Variants in ZNF254 observed in about 807,000 individuals in gnomAD.
ZNF254 encodes zinc finger protein 254, also known as CTD-2017D11.1.
ZNF254 carries 10 observed loss-of-function variants against 12.4 expected under a neutral mutation model. The ratio of observed to expected loss-of-function variants is 0.80; its 90% CI spans 0.50 to 1.36. The LOEUF (loss-of-function observed/expected upper bound fraction) is 1.36. Ranked by LOEUF, ZNF254 falls within the 40% of genes most tolerant of loss-of-function variation. ZNF254 has a pLI of 0.00. For missense variants in ZNF254, 996 were observed against 763.9 expected, an observed-to-expected ratio of 1.30 and a Z score of -3.58; for synonymous variants, 305 against 253.4, an observed-to-expected ratio of 1.20 and a Z score of -1.93.
At chr19:24,100,447 T>A (rs1219358490) in intron 1 of ZNF254, among the ~76,000 whole-genome samples, 1 of 151,574 alleles carries the variant, frequency 6.6e-6, no homozygotes, top group Non-Finnish European at 1.5e-5. Context: ...TTTTTACTTA[T>A]AAAACTCAGA....
chr19:24,036,900 A>G (rs62117636), intron 1 of ZNF254, among the ~76,000 whole-genome samples: 24,224 of 152,098 alleles, frequency 0.16, 2,076 homozygotes, highest in Middle Eastern at 0.23. Flanking sequence ...CAAAACAAGA[A>G]GACTTGATCT....
intron 1 of ZNF254, among the ~76,000 whole-genome samples, chr19:24,092,292 G>A (rs371537462): frequency 6.6e-5 from 10 of 151,226 alleles, no homozygotes; most frequent in South Asian, 2.1e-4. Flanking sequence ...TCAGCCTCTC[G>A]AATAGCTGGG....
At chr19:24,067,435 T>C (rs941735229) in intron 2 of ZNF254, among the ~76,000 whole-genome samples, 3 of 151,548 alleles carry the variant, frequency 2.0e-5, no homozygotes, top group Non-Finnish European at 4.4e-5. Context: ...AGTAGGAAAT[T>C]TGACATATCG....
chr19:24,111,810 T>G (rs1286791526), intron 3 of ZNF254, among the ~76,000 whole-genome samples: 3 of 150,458 alleles, frequency 2.0e-5, no homozygotes, highest in African/African-American at 7.3e-5. Context: ...GTTTTTTTCT[T>G]GTAAATTTGT....
intron 1 of ZNF254, among the ~76,000 whole-genome samples, chr19:24,041,271 CA>C (rs1392063041): frequency 6.6e-6 from 1 of 152,248 alleles, no homozygotes; most frequent in Non-Finnish European, 1.5e-5. Flanking sequence ...CTGGGCTGGC[CA>C]AGGCCGGAGC....
In ZNF254 at chr19:24,127,907, G is replaced by A. The variant is rs750384431; in HGVS notation, c.1907G>A (p.Gly636Asp). ...CAACCCTACAAATGGGAAAAATTTG[G>A]CAAAGCCTTTAATCGGTCCTCGCAC... ...GEQPYKWEKF[G>D]KAFNRSSHLT... The change falls in exon 4 of 4, where the codon GGC becomes GAC. Residue 636 changes from glycine to aspartate, a missense_variant. Transcript: ENST00000357002. 1.1e-5 allele frequency: 18 copies of A among 1,611,592 alleles called. No homozygotes were observed. The highest frequency in any genetic ancestry group is 8.8e-5 in the South Asian group (8 of 90,856).
chr19:24,036,297 T>C (rs953432930), intron 1 of ZNF254, among the ~76,000 whole-genome samples: 11 of 152,008 alleles, frequency 7.2e-5, no homozygotes, highest in African/African-American at 2.7e-4. Context: ...GATCTTGTGA[T>C]CCACCCGCCT....
chr19:24,102,405 T>A (rs1303633036), intron 1 of ZNF254, among the ~76,000 whole-genome samples: 2 of 151,728 alleles, frequency 1.3e-5, no homozygotes, highest in East Asian at 3.9e-4. Flanking sequence ...TTTTTTTCTT[T>A]TAGGTAAGCT....
At chr19:24,050,910 C>G (rs1462948180) in intron 2 of ZNF254, among the ~76,000 whole-genome samples, 1 of 151,966 alleles carries the variant, frequency 6.6e-6, no homozygotes, top group Non-Finnish European at 1.5e-5. Flanking sequence ...CCATGTTAGT[C>G]AGGCTGGTCT....
Position 24,126,998 on chromosome 19 carries a change from G to C in ZNF254, c.998G>C (p.Trp333Ser), listed in dbSNP as rs777666092. The change falls in exon 4 of 4, where the codon TGG becomes TCG. Residue 333 changes from tryptophan to serine, a missense_variant. By Grantham distance (177) the Trp-to-Ser change is radical. Coordinates refer to ENST00000357002, the MANE Select transcript of ZNF254 (RefSeq NM_203282.4). ...GAAGAATGTGGCAAAGCATTTATAT[G>C]GTCCTCAACACTAACTAGACATAAG... ...KCEECGKAFIWSSTLTRHKRM... is the reference protein window; with the variant it reads ...KCEECGKAFISSSTLTRHKRM... 4 of 1,612,946 alleles carry C rather than the reference G, an allele frequency of 2.5e-6. No homozygotes were observed. Among genetic ancestry groups the C allele is most frequent in the African/African-American group, 2.7e-5 (2 of 74,590 alleles).
chr19:24,081,729 G>A (rs1335133577), intron 2 of ZNF254, among the ~76,000 whole-genome samples: 1 of 152,138 alleles, frequency 6.6e-6, no homozygotes, highest in African/African-American at 2.4e-5. Context: ...CCCGTGTAAA[G>A]GGTTTAAATA....
chr19:24,081,211 A>C lies in ZNF254; in HGVS notation c.-93-24729A>C, dbSNP rs576705852. On this transcript the variant is annotated intron_variant, in intron 2 of 4. Transcript: ENST00000613065. ...GACAAGCCCATAGATGCCATTTTAC[A>C]TAATCTCTAAGCTGTTTTTCAGTGA... Among the ~76,000 whole-genome samples, 144 of 152,258 alleles carry C rather than the reference A, an allele frequency of 9.5e-4. 1 individual carries two copies. Among genetic ancestry groups the C allele is most frequent in the African/African-American group, 3.4e-3 (140 of 41,562 alleles).
intron 1 of ZNF254, among the ~76,000 whole-genome samples, chr19:24,090,834 A>G (rs1005270475): frequency 4.6e-5 from 7 of 152,116 alleles, no homozygotes; most frequent in Non-Finnish European, 1.0e-4. Flanking sequence ...TTTCAAAAAC[A>G]TTAATATCTA....
intron 3 of ZNF254, among the ~76,000 whole-genome samples, chr19:24,115,754 A>G (rs1280564859): frequency 1.3e-5 from 2 of 152,118 alleles, no homozygotes; most frequent in Non-Finnish European, 2.9e-5. Flanking sequence ...CTGGCTGGTT[A>G]TTTTGCTCGT....
At chr19:24,102,766 A>T (rs1451683346) in intron 1 of ZNF254, among the ~76,000 whole-genome samples, 3 of 152,240 alleles carry the variant, frequency 2.0e-5, no homozygotes, top group Non-Finnish European at 2.9e-5. Flanking sequence ...TCCTGCAGAT[A>T]TAGTAGTTGA....
chr19:24,055,705 T>C (rs531356916), intron 2 of ZNF254, among the ~76,000 whole-genome samples: 60 of 152,254 alleles, frequency 3.9e-4, no homozygotes, highest in African/African-American at 1.3e-3. Flanking sequence ...AATTGACTCT[T>C]ATATATGGAT....
intron 2 of ZNF254, among the ~76,000 whole-genome samples, chr19:24,049,214 A>ATATATATTT (rs1160333151): frequency 7.1e-4 from 29 of 40,842 alleles, no homozygotes; most frequent in Non-Finnish European, 8.6e-4. Context: ...ATATATATAT[A>ATATATATTT]TTTTTTTTTT....
In ZNF254 at chr19:24,129,133, T is replaced by C. The variant is rs566133731; in HGVS notation, c.*1153T>C. The C allele has an allele frequency of 6.6e-6, 1 of 152,072 alleles. No individual in the cohort carries two copies. Among genetic ancestry groups the C allele is most frequent in the East Asian group, 1.9e-4 (1 of 5,196 alleles). 9.4% of individuals were successfully genotyped at this position (152,072 alleles called of 1,614,324 possible). On this transcript the variant is annotated 3_prime_UTR_variant, in exon 4 of 4. Coordinates refer to ENST00000357002, the MANE Select transcript of ZNF254 (RefSeq NM_203282.4). ...AGAGAGGCTCTTTGTGGTTAACTTATAATATTGAGTGATGCATGAGGTAGG... is the reference window on the plus strand; with the variant it reads ...AGAGAGGCTCTTTGTGGTTAACTTACAATATTGAGTGATGCATGAGGTAGG...
chr19:24,107,136 G>T, intron 3 of ZNF254: 1 of 542,196 alleles, frequency 1.8e-6, no homozygotes, highest in South Asian at 2.6e-5. Flanking sequence ...GTACAAAGTA[G>T]GATGTCCTTC....
Sources: gnomAD v4.1 joint callset for allele counts (sites outside exome capture counted in the v4.1 genomes callset) on GRCh38, gnomAD v4.1.1 for gene constraint, MANE v1.5 for transcripts, NCBI Gene and HGNC (gene_info 2026-07-23, HGNC 2026-07-21) for gene names.